Variants in POLN observed in about 807,000 individuals in gnomAD.
POLN encodes the protein DNA polymerase nu.
In POLN, 108 loss-of-function variants were observed where a neutral mutation model predicts 113.5. That is an observed-to-expected ratio of 0.95 (90% CI 0.81 to 1.12). POLN has a LOEUF of 1.12. Ranked by LOEUF, POLN falls within the 50% of genes most tolerant of loss-of-function variation. The probability of loss-of-function intolerance (pLI) is 0.00; values close to 1 mark genes in which losing one functional copy is unlikely to be tolerated. For synonymous variants in POLN, 386 were observed against 391.5 expected, an observed-to-expected ratio of 0.99 and a Z score of 0.17; for missense variants, 1,097 against 1,077.1, an observed-to-expected ratio of 1.02 and a Z score of -0.26.
chr4:2,154,091 G>A (rs980411176), intron 16 of POLN, among the ~76,000 whole-genome samples: 5 of 149,722 alleles, frequency 3.3e-5, no homozygotes, highest in Admixed American at 1.3e-4. Context: ...CTAGCTACTC[G>A]GGAGGCTGAG....
At chr4:2,094,331 C>T (rs981848252) in intron 20 of POLN, among the ~76,000 whole-genome samples, 5 of 115,252 alleles carry the variant, frequency 4.3e-5, no homozygotes, top group African/African-American at 1.7e-4. Flanking sequence ...CCACTGCATT[C>T]CAGCCTGGGG....
intron 20 of POLN, chr4:2,089,983 T>C (rs2108695437): frequency 2.1e-6 from 2 of 934,242 alleles, no homozygotes; most frequent in Non-Finnish European, 3.4e-6. Context: ...TGGTTTCTTT[T>C]CACTTTTAAG....
intron 3 of POLN, among the ~76,000 whole-genome samples, 159 bp from the exon 4 acceptor site, chr4:2,213,285 T>C (rs1734036682): frequency 6.6e-6 from 1 of 152,244 alleles, no homozygotes; most frequent in Admixed American, 6.5e-5. Flanking sequence ...GTAAAATGCT[T>C]AGTACCATTG....
chr4:2,097,548 T>C (rs1730824701), intron 19 of POLN, among the ~76,000 whole-genome samples: 1 of 152,094 alleles, frequency 6.6e-6, no homozygotes, highest in East Asian at 1.9e-4. Context: ...ACAGGTTTTA[T>C]CATGTTGGCC....
intron 13 of POLN, among the ~76,000 whole-genome samples, chr4:2,161,855 G>A (rs1327762329): frequency 6.6e-6 from 1 of 152,172 alleles, no homozygotes; most frequent in African/African-American, 2.4e-5. Context: ...GTCTAGCTCA[G>A]GGTTTGTGAA....
chr4:2,193,070 CAGG>C (rs1489783720), intron 7 of POLN, 131 bp downstream of exon 7: 1 of 630,536 alleles, frequency 1.6e-6, no homozygotes, highest in Non-Finnish European at 2.7e-6. Context: ...TAGGGCCCAT[CAGG>C]AGGCATATCA....
intron 13 of POLN, among the ~76,000 whole-genome samples, chr4:2,161,554 C>A (rs1732590801): frequency 2.0e-5 from 3 of 152,250 alleles, no homozygotes; most frequent in African/African-American, 7.2e-5. Flanking sequence ...CTCCCACCCC[C>A]TCCGTGGGCT....
intron 16 of POLN, among the ~76,000 whole-genome samples, chr4:2,135,829 C>T (rs1244609791): frequency 6.6e-6 from 1 of 152,178 alleles, no homozygotes; most frequent in Non-Finnish European, 1.5e-5. Flanking sequence ...CGTCACAGAC[C>T]AACACCACGT....
intron 3 of POLN, chr4:2,227,480 T>A (rs972759994): frequency 2.0e-5 from 3 of 152,162 alleles, no homozygotes; most frequent in Admixed American, 6.5e-5. Flanking sequence ...TTTAAGCCAA[T>A]AAGTTTGTAT....
intron 23 of POLN, chr4:2,077,046 G>C (rs1577676757): frequency 6.6e-6 from 1 of 152,174 alleles, no homozygotes; most frequent in East Asian, 1.9e-4. Context: ...GGAGTGGGAA[G>C]GAAAAGAGAC....
In POLN at chr4:2,156,659, A is replaced by G; in HGVS notation, c.1731+129T>C. 8.1e-6 allele frequency: 6 copies of G among 744,940 alleles called. No homozygotes were observed. In the South Asian group the frequency reaches 8.9e-5, roughly 11 times the overall value. 46.1% of individuals were successfully genotyped at this position (744,940 alleles called of 1,614,324 possible). A position where few individuals can be genotyped will look rare whatever the true frequency, so the allele number is the denominator to read the frequency against. Reference sequence around the variant, plus strand: ...ATGTTCTCAGAATAAACAGAATAAAACACAACATATCAGTATGAAGTCCCC... The same window carrying G: ...ATGTTCTCAGAATAAACAGAATAAAGCACAACATATCAGTATGAAGTCCCC... On this transcript the variant is annotated intron_variant, in intron 16 of 25. Coordinates refer to ENST00000511885, the MANE Select transcript of POLN (RefSeq NM_181808.4).
chr4:2,085,115 C>T (rs1730516966), intron 21 of POLN, among the ~76,000 whole-genome samples: 1 of 152,008 alleles, frequency 6.6e-6, no homozygotes, highest in Non-Finnish European at 1.5e-5. Flanking sequence ...TTTTTTTAAT[C>T]CTAAATTATT....
Position 2,080,988 on chromosome 4 carries a change from G to C in POLN, c.2357C>G (p.Ala786Gly). ...CKLAMIHVFT[A>G]VAASHTLTAR... ...CGTCAAGGTGTGGGAAGCAGCCACTGCAGTGAAGACATGGATCATGGCCAG... is the reference window on the plus strand; with the variant it reads ...CGTCAAGGTGTGGGAAGCAGCCACTCCAGTGAAGACATGGATCATGGCCAG... Residue 786 changes from alanine (A) to glycine (G), a missense_variant, in exon 23 of 26, where the codon GCA (alanine) becomes GGA (glycine). Ala to Gly is a moderately conservative substitution (Grantham distance 60). Transcript: ENST00000511885. The C allele has an allele frequency of 6.2e-7, 1 of 1,613,886 alleles. No individual in the cohort carries two copies.
chr4:2,128,825 C>G (rs1731651043), intron 18 of POLN, among the ~76,000 whole-genome samples: 3 of 152,142 alleles, frequency 2.0e-5, no homozygotes. Context: ...GAGGCCAAGG[C>G]AGGTGGATCA....
At chr4:2,156,904 T>G in intron 15 of POLN, 51 bp from the exon 16 acceptor site, 1 of 1,469,302 alleles carries the variant, frequency 6.8e-7, no homozygotes. Context: ...CTATGTGAAG[T>G]TAAGAATGTG....
chr4:2,079,253 G>A, intron 23 of POLN: 1 of 298,630 alleles, frequency 3.3e-6, no homozygotes, highest in Non-Finnish European at 4.9e-6. Context: ...TTCTAGACTT[G>A]CAGTATCTTA....
Position 2,091,806 on chromosome 4 carries a change from C to CGT in POLN, c.2065+4044_2065+4045insAC, listed in dbSNP as rs1553893110. ...GTGTGTGTGTGTGTGTGTGTGCGCG[C>CGT]GCTACAATTTGACGTTTAGCAGGGA... is the stretch of plus-strand genomic sequence containing the variant. On this transcript the variant is annotated intron_variant, in intron 20 of 25. Coordinates refer to ENST00000511885, the MANE Select transcript of POLN (RefSeq NM_181808.4). Among the ~76,000 whole-genome samples, 962 of 146,458 alleles carry CGT rather than the reference C, an allele frequency of 6.6e-3. 11 individuals carry two copies. The highest frequency in any genetic ancestry group is 0.024 in the African/African-American group (911 of 38,176).
intron 3 of POLN, among the ~76,000 whole-genome samples, chr4:2,222,349 A>G (rs1420009160): frequency 2.0e-5 from 3 of 151,988 alleles, no homozygotes; most frequent in Admixed American, 6.6e-5. Context: ...TCGAGACCAG[A>G]CTGGGCAGCA....
intron 2 of POLN, among the ~76,000 whole-genome samples, chr4:2,239,413 T>C (rs748505120): frequency 3.9e-5 from 6 of 152,246 alleles, no homozygotes; most frequent in Non-Finnish European, 8.8e-5. Flanking sequence ...CAGTTGATTT[T>C]AGCACTTCTA....
Sources: gnomAD v4.1 joint callset for allele counts (sites outside exome capture counted in the v4.1 genomes callset) on GRCh38, gnomAD v4.1.1 for gene constraint, MANE v1.5 for transcripts, NCBI Gene and HGNC (gene_info 2026-07-23, HGNC 2026-07-21) for gene names.